TULP3: variants seen among roughly 807,000 people sequenced by gnomAD.
TULP3 encodes TUB like protein 3, also known as tubby-related protein 3.
TULP3 carries 38 observed loss-of-function variants against 50.7 expected under a neutral mutation model. That is an observed-to-expected ratio of 0.75 (90% CI 0.58 to 0.98). The LOEUF is 0.98. Among genes scored for constraint, TULP3 ranks in the 50% least tolerant of loss-of-function variants. TULP3 has a pLI of 0.00. For synonymous variants in TULP3, 183 were observed against 196.6 expected (o/e 0.93, Z 0.58); for missense variants, 550 against 568.0 (o/e 0.97, Z 0.32).
At chr12:2,915,164 A>G (rs1266083560) in intron 2 of TULP3, among the ~76,000 whole-genome samples, 1 of 151,304 alleles carries the variant, frequency 6.6e-6, no homozygotes, top group Non-Finnish European at 1.5e-5. Flanking sequence ...AATTTTTTGT[A>G]TTTTTAGTAG....
chr12:2,906,847 C>T (rs985703551), intron 1 of TULP3, among the ~76,000 whole-genome samples: 1 of 151,410 alleles, frequency 6.6e-6, no homozygotes, highest in African/African-American at 2.4e-5. Context: ...ATCTGGGAAG[C>T]GGAGGTTGCA....
intron 2 of TULP3, among the ~76,000 whole-genome samples, chr12:2,913,274 T>G (rs10848739): frequency 0.48 from 71,218 of 149,340 alleles, 17,445 homozygotes; most frequent in African/African-American, 0.6. Context: ...TTGAGATAGG[T>G]TCTCACTCTG....
chr12:2,926,864 G>A (rs907462215), intron 4 of TULP3, among the ~76,000 whole-genome samples: 1 of 152,164 alleles, frequency 6.6e-6, no homozygotes, highest in Non-Finnish European at 1.5e-5. Context: ...CAGACATCGC[G>A]CCATTGCACT....
At chr12:2,906,089 G>A (rs1188728545) in intron 1 of TULP3, among the ~76,000 whole-genome samples, 1 of 147,672 alleles carries the variant, frequency 6.8e-6, no homozygotes, top group Non-Finnish European at 1.5e-5. Flanking sequence ...AGAGTGCAGT[G>A]ACGCCATCTT....
intron 2 of TULP3, among the ~76,000 whole-genome samples, chr12:2,913,201 T>TTGTG (rs138018559): frequency 0.052 from 7,672 of 146,446 alleles, 293 homozygotes; most frequent in African/African-American, 0.11. Flanking sequence ...TATGTTGAGT[T>TTGTG]TGTGTGTGTG....
chr12:2,940,638 C>T lies in TULP3; in HGVS notation c.*1194C>T, dbSNP rs919107427. ...GTTTGCCAGCGTTGGGTGGGACACC[C>T]GTGGCGGCTGCTCCCTCAGACCTCC... On this transcript the variant is annotated 3_prime_UTR_variant, in exon 11 of 11. Transcript: ENST00000448120. 3.0e-5 allele frequency: 47 copies of T among 1,551,630 alleles called. No individual in the cohort carries two copies. The highest frequency in any genetic ancestry group is 3.6e-5 in the Non-Finnish European group (41 of 1,147,016).
At chr12:2,892,288 G>T (rs959458429) in intron 1 of TULP3, among the ~76,000 whole-genome samples, 1 of 151,932 alleles carries the variant, frequency 6.6e-6, no homozygotes, top group Non-Finnish European at 1.5e-5. Context: ...AGTCGAGGAA[G>T]AAAACTACAT....
chr12:2,914,147 G>A (rs1406569701), intron 2 of TULP3, among the ~76,000 whole-genome samples: 9 of 132,336 alleles, frequency 6.8e-5, no homozygotes, highest in African/African-American at 9.5e-5. Flanking sequence ...TTTTTGAGAC[G>A]GAGTTTTGCT....
chr12:2,937,659 C>T lies in TULP3; in HGVS notation c.953C>T (p.Pro318Leu), dbSNP rs2098202193. Residue 318 changes from proline to leucine, a missense_variant, in exon 9 of 11, where the codon CCT becomes CTT. Pro to Leu is a moderately conservative substitution (Grantham distance 98, BLOSUM62 -3). Transcript: ENST00000448120. ...ACAAACGTACTTGGATTTAAAGGTCCTAGGAAAATGTCTGTGATCATTCCT... is the reference window on the plus strand; with the variant it reads ...ACAAACGTACTTGGATTTAAAGGTCTTAGGAAAATGTCTGTGATCATTCCT... ...YETNVLGFKG[P>L]RKMSVIIPGM... The T allele has an allele frequency of 6.2e-7, 1 of 1,612,718 alleles. No individual in the cohort carries two copies. Among genetic ancestry groups the T allele is most frequent in the South Asian group, 1.1e-5 (1 of 90,740 alleles).
chr12:2,896,165 C>T (rs2098175472), intron 1 of TULP3, among the ~76,000 whole-genome samples: 1 of 152,150 alleles, frequency 6.6e-6, no homozygotes, highest in African/African-American at 2.4e-5. Context: ...GTCTTGAACT[C>T]CTGACCTCAA....
intron 1 of TULP3, among the ~76,000 whole-genome samples, chr12:2,899,825 G>A (rs1415918764): frequency 3.4e-5 from 5 of 148,714 alleles, no homozygotes; most frequent in Non-Finnish European, 7.4e-5. Context: ...CCCAGGAGGC[G>A]GAGCTTGCAG....
chr12:2,935,929 C>G (rs150121529), intron 8 of TULP3, among the ~76,000 whole-genome samples: 3 of 152,004 alleles, frequency 2.0e-5, no homozygotes, highest in Non-Finnish European at 4.4e-5. Context: ...GTGATCACAC[C>G]ATGCACTCTA....
intron 1 of TULP3, among the ~76,000 whole-genome samples, chr12:2,896,186 C>T (rs544804064): frequency 1.3e-5 from 2 of 152,110 alleles, no homozygotes; most frequent in African/African-American, 2.4e-5. Context: ...GTGATCCACC[C>T]GCCTCTGCCT....
Position 2,937,648 on chromosome 12 carries a change from A to C in TULP3, c.942A>C (p.Gly314=), listed in dbSNP as rs766573258. Reference sequence around the variant, plus strand: ...TCTTCCAGGAAACAAACGTACTTGGATTTAAAGGTCCTAGGAAAATGTCTG... The same window carrying C: ...TCTTCCAGGAAACAAACGTACTTGGCTTTAAAGGTCCTAGGAAAATGTCTG... ...AAISYETNVL[G]FKGPRKMSVI... Residue 314 remains glycine, a synonymous_variant, in exon 9 of 11, where the codon GGA becomes GGC. Transcript: ENST00000448120. 6.8e-6 allele frequency: 11 copies of C among 1,611,918 alleles called. No individual in the cohort carries two copies. The South Asian group carries it at 1.1e-4, about 16-fold the overall frequency.
chr12:2,930,352 A>G lies in TULP3; in HGVS notation c.492+7A>G, dbSNP rs751848457. ...ATCAAGCCAGAATTCAACCGTATGT[A>G]GTTCTGAAACTTCTTCCATTAGAGC... On this transcript the variant is annotated splice_region_variant and intron_variant, in intron 5 of 10. Coordinates refer to ENST00000448120, the MANE Select transcript of TULP3 (RefSeq NM_003324.5). The G allele has an allele frequency of 3.1e-6, 5 of 1,596,388 alleles. No homozygotes were observed. The highest frequency in any genetic ancestry group is 4.3e-6 in the Non-Finnish European group (5 of 1,167,432).
chr12:2,903,614 A>G (rs1040129871), intron 1 of TULP3, among the ~76,000 whole-genome samples: 4 of 152,138 alleles, frequency 2.6e-5, no homozygotes, highest in African/African-American at 9.7e-5. Context: ...AAAAGTTGCA[A>G]GAAAGCACAG....
intron 2 of TULP3, among the ~76,000 whole-genome samples, chr12:2,910,314 T>G (rs2098184752): frequency 6.6e-6 from 1 of 152,162 alleles, no homozygotes; most frequent in Non-Finnish European, 1.5e-5. Context: ...GAGAATAATT[T>G]TCTTCACAGA....
At chr12:2,904,303 A>G (rs1362344109) in intron 1 of TULP3, among the ~76,000 whole-genome samples, 2 of 152,040 alleles carry the variant, frequency 1.3e-5, no homozygotes, top group African/African-American at 4.8e-5. Context: ...AAGGCCTTGT[A>G]GTTATCTTCA....
chr12:2,919,949 C>A (rs1290690488), intron 2 of TULP3, among the ~76,000 whole-genome samples: 1 of 151,322 alleles, frequency 6.6e-6, no homozygotes, highest in Non-Finnish European at 1.5e-5. Context: ...ACTTACTGCC[C>A]TTTGACTAAT....
Sources: allele counts gnomAD v4.1 joint callset (sites outside exome capture counted in the v4.1 genomes callset), GRCh38; gene constraint gnomAD v4.1.1; transcripts MANE v1.5; gene names NCBI Gene and HGNC (gene_info 2026-07-23, HGNC 2026-07-21).